Variants in SPATA17 observed in about 807,000 individuals in gnomAD.
SPATA17 encodes spermatogenesis associated 17.
In SPATA17, 53 loss-of-function variants were observed where a neutral mutation model predicts 62.2. That is an observed-to-expected ratio of 0.85 (90% CI 0.68 to 1.07). The LOEUF is 1.07. Among genes scored for constraint, SPATA17 ranks in the 50% least tolerant of loss-of-function variants. The pLI is 0.00. For synonymous variants in SPATA17, 146 were observed against 146.8 expected, an observed-to-expected ratio of 0.99 and a Z score of 0.04; for missense variants, 466 against 425.5, an observed-to-expected ratio of 1.10 and a Z score of -0.84.
At position 217,788,143 on chromosome 1, in the gene SPATA17, G is replaced by A. The variant is rs947141476; in HGVS notation, c.872+5821G>A. 6.6e-5 allele frequency among the ~76,000 whole-genome samples: 10 copies of A among 152,140 alleles called. 1 individual carries two copies. Among genetic ancestry groups the A allele is most frequent in the African/African-American group, 2.4e-4 (10 of 41,506 alleles). The stretch of plus-strand genomic sequence containing the variant: ...AATCAGATGATATAGGCTATGATAT[G>A]GGCTTCACTAAGGTATTATGAGAGG... On this transcript the variant is annotated intron_variant, in intron 8 of 10. Coordinates refer to ENST00000366933, the MANE Select transcript of SPATA17 (RefSeq NM_138796.4).
chr1:217,735,494 C>T (rs995612778), intron 5 of SPATA17, among the ~76,000 whole-genome samples: 19 of 152,296 alleles, frequency 1.2e-4, no homozygotes, highest in African/African-American at 3.8e-4. Context: ...TAGGCTTCAA[C>T]ATGTGAATTT....
intron 5 of SPATA17, among the ~76,000 whole-genome samples, chr1:217,718,840 G>A (rs921670158): frequency 2.6e-5 from 4 of 151,932 alleles, no homozygotes; most frequent in Non-Finnish European, 4.4e-5. Flanking sequence ...AGTACTGGCT[G>A]CCAAACAAAC....
At chr1:217,738,959 C>A (rs1246295250) in intron 5 of SPATA17, among the ~76,000 whole-genome samples, 1 of 152,036 alleles carries the variant, frequency 6.6e-6, no homozygotes, top group Non-Finnish European at 1.5e-5. Context: ...CTCAAAAAGA[C>A]AAAATAAAAC....
At chr1:217,801,161 T>A (rs754232200) in intron 8 of SPATA17, among the ~76,000 whole-genome samples, 5 of 152,118 alleles carry the variant, frequency 3.3e-5, no homozygotes, top group African/African-American at 1.2e-4. Context: ...TATATGGAAG[T>A]CAAGGCTCAT....
intron 9 of SPATA17, among the ~76,000 whole-genome samples, chr1:217,823,034 C>T (rs1423722063): frequency 6.6e-6 from 1 of 151,624 alleles, no homozygotes. Context: ...TTGTTTTTAT[C>T]ATTTTTTGTC....
chr1:217,774,003 CA>C (rs1319310708), intron 6 of SPATA17, among the ~76,000 whole-genome samples: 1 of 152,062 alleles, frequency 6.6e-6, no homozygotes, highest in Admixed American at 6.5e-5. Flanking sequence ...AGTTAGAATA[CA>C]AAATGAATGG....
chr1:217,824,877 A>C (rs76004481), intron 9 of SPATA17, among the ~76,000 whole-genome samples: 18,518 of 150,922 alleles, frequency 0.12, 1,222 homozygotes, highest in Non-Finnish European at 0.14. Context: ...AAACAAATTT[A>C]AAGATGTAAA....
At chr1:217,703,083 C>T (rs1671639488) in intron 5 of SPATA17, among the ~76,000 whole-genome samples, 1 of 151,710 alleles carries the variant, frequency 6.6e-6, no homozygotes, top group South Asian at 2.1e-4. Flanking sequence ...ACCATGTTGG[C>T]CAGGATGGTC....
intron 5 of SPATA17, among the ~76,000 whole-genome samples, chr1:217,714,186 G>C (rs527878887): frequency 6.6e-6 from 1 of 152,024 alleles, no homozygotes; most frequent in African/African-American, 2.4e-5. Flanking sequence ...TCAGTAGTTC[G>C]AGACCAGACT....
At chr1:217,835,624 C>G (rs1269349955) in intron 9 of SPATA17, among the ~76,000 whole-genome samples, 1 of 152,102 alleles carries the variant, frequency 6.6e-6, no homozygotes, top group Admixed American at 6.6e-5. Context: ...TGGATGAACT[C>G]TTCTTACCAT....
intron 5 of SPATA17, among the ~76,000 whole-genome samples, chr1:217,683,995 T>G (rs957371097): frequency 1.1e-4 from 17 of 152,172 alleles, no homozygotes; most frequent in African/African-American, 3.9e-4. Context: ...GATGCAACAT[T>G]AAATACAAAA....
intron 9 of SPATA17, among the ~76,000 whole-genome samples, chr1:217,816,494 A>G (rs1405973446): frequency 6.6e-6 from 1 of 151,712 alleles, no homozygotes; most frequent in Non-Finnish European, 1.5e-5. Context: ...TTACTTTATA[A>G]TCTTTTTACT....
chr1:217,734,806 T>C (rs184632666), intron 5 of SPATA17, among the ~76,000 whole-genome samples: 2 of 152,334 alleles, frequency 1.3e-5, no homozygotes, highest in African/African-American at 4.8e-5. Context: ...TTGTGTCTTC[T>C]TTGTAGTATA....
chr1:217,823,310 G>A (rs898497911), intron 9 of SPATA17, among the ~76,000 whole-genome samples: 1 of 151,906 alleles, frequency 6.6e-6, no homozygotes, highest in African/African-American at 2.4e-5. Context: ...ACTCAGTCCA[G>A]AACTAAGAAC....
chr1:217,835,449 T>C (rs1027589752), intron 9 of SPATA17, among the ~76,000 whole-genome samples: 4 of 152,166 alleles, frequency 2.6e-5, no homozygotes, highest in African/African-American at 9.7e-5. Context: ...AGCTGGCGTA[T>C]TTATCTATCT....
chr1:217,724,441 A>G (rs1672209386), intron 5 of SPATA17, among the ~76,000 whole-genome samples: 1 of 152,114 alleles, frequency 6.6e-6, no homozygotes, highest in African/African-American at 2.4e-5. Context: ...TACAAAAATT[A>G]GCCAGGCTTG....
At chr1:217,758,246 T>C (rs1370412998) in intron 6 of SPATA17, among the ~76,000 whole-genome samples, 2 of 152,150 alleles carry the variant, frequency 1.3e-5, no homozygotes, top group African/African-American at 4.8e-5. Context: ...CACAAAGAGA[T>C]TAATAAGTAG....
chr1:217,811,387 A>G (rs1674583531), intron 9 of SPATA17, among the ~76,000 whole-genome samples: 1 of 152,150 alleles, frequency 6.6e-6, no homozygotes, highest in Non-Finnish European at 1.5e-5. Flanking sequence ...ATACAAAACC[A>G]TGTAGAAAAT....
rs1670780451 is a variant in SPATA17, at chr1:217,669,221, AAGTT to A, written c.291+144_291+147del. On this transcript the variant is annotated intron_variant, in intron 4 of 10. Transcript: ENST00000366933. ...AAGAGAGAAAGAGTATGTAGTTAAA[AAGTT>A]AGTTATGCTAAATAATCTTGGCAGT... The A allele has an allele frequency of 1.0e-4, 70 of 700,332 alleles. No individual in the cohort carries two copies. In the South Asian group the frequency reaches 1.3e-3, roughly 13 times the overall value. 43.4% of individuals were successfully genotyped at this position (700,332 alleles called of 1,614,324 possible).
Sources: allele counts gnomAD v4.1 joint callset (sites outside exome capture counted in the v4.1 genomes callset), GRCh38; gene constraint gnomAD v4.1.1; transcripts MANE v1.5; gene names NCBI Gene and HGNC (gene_info 2026-07-23, HGNC 2026-07-21).